The following STK39 variants were observed in gnomAD, a reference collection of about 807,000 sequenced individuals.
STK39 encodes serine/threonine kinase 39.
STK39 carries 20 observed loss-of-function variants against 77.8 expected under a neutral mutation model. The ratio of observed to expected loss-of-function variants is 0.26; its 90% CI spans 0.18 to 0.37. STK39 has a LOEUF of 0.37. Among genes scored for constraint, STK39 ranks in the 10% least tolerant of loss-of-function variants. The pLI is 1.00. For synonymous variants in STK39, 246 were observed against 234.1 expected (o/e 1.05, Z -0.47); for missense variants, 479 against 656.5 (o/e 0.73, Z 2.95).
chr2:168,168,526 C>G (rs1178412742), intron 2 of STK39, among the ~76,000 whole-genome samples: 1 of 152,114 alleles, frequency 6.6e-6, no homozygotes, highest in Non-Finnish European at 1.5e-5. Flanking sequence ...TAATAATGAG[C>G]TTCACATTAA....
Position 168,031,114 on chromosome 2 carries a change from C to T in STK39, c.1377-14019G>A, listed in dbSNP as rs142319308. On this transcript the variant is annotated intron_variant, in intron 14 of 17. Coordinates refer to ENST00000355999, the MANE Select transcript of STK39 (RefSeq NM_013233.3). Reference sequence around the variant, plus strand: ...CTCACAGGACTGAAACTCCTCTGGCCTGCCCTGGAGAAGAGCGGAGTGGGT... The same window carrying T: ...CTCACAGGACTGAAACTCCTCTGGCTTGCCCTGGAGAAGAGCGGAGTGGGT... 9.5e-3 allele frequency among the ~76,000 whole-genome samples: 1,441 copies of T among 152,278 alleles called. 17 individuals carry two copies. The highest frequency in any genetic ancestry group is 0.011 in the Non-Finnish European group (732 of 68,036).
In STK39 at chr2:168,247,328, G is replaced by C; in HGVS notation, c.108C>G (p.Ala36=). The C allele has an allele frequency of 1.9e-6, 2 of 1,036,296 alleles. No homozygotes were observed. The highest frequency in any genetic ancestry group is 2.3e-6 in the Non-Finnish European group (2 of 860,024). 64.2% of individuals were successfully genotyped at this position (1,036,296 alleles called of 1,614,324 possible). The part of the protein sequence containing the change: ...AAPAAATAAP[A]PAAPAAPAPA... ...GGGCCGGGGCCGCGGGAGCTGCCGG[G>C]GCCGGCGCTGCTGTCGCGGCCGCCG... The change falls in exon 1 of 18, where the codon GCC becomes GCG. Residue 36 remains alanine, a synonymous_variant. Coordinates refer to ENST00000355999, the MANE Select transcript of STK39 (RefSeq NM_013233.3).
chr2:168,242,560 A>AAATATATATAT (rs1296747890), intron 1 of STK39, among the ~76,000 whole-genome samples: 1 of 44,864 alleles, frequency 2.2e-5, no homozygotes, highest in African/African-American at 1.1e-4. Context: ...AAAAAAAAAA[A>AAATATATATAT]ATATATATAT....
At chr2:168,093,523 G>A (rs908865020) in intron 10 of STK39, among the ~76,000 whole-genome samples, 5 of 152,142 alleles carry the variant, frequency 3.3e-5, no homozygotes, top group African/African-American at 4.8e-5. Context: ...ACCTCCCAAC[G>A]GGTCCCCATG....
chr2:168,158,861 C>T (rs553922360), intron 5 of STK39, among the ~76,000 whole-genome samples: 15 of 152,298 alleles, frequency 9.8e-5, no homozygotes, highest in South Asian at 4.1e-4. Flanking sequence ...TTTATACCCA[C>T]GTTCAATAGA....
intron 1 of STK39, among the ~76,000 whole-genome samples, chr2:168,242,560 A>AAAAAAATATATATATATATATATAT (rs1296747890): frequency 2.2e-5 from 1 of 44,866 alleles, no homozygotes; most frequent in Admixed American, 2.6e-4. Context: ...AAAAAAAAAA[A>AAAAAAATATATATATATATATATAT]ATATATATAT....
chr2:168,199,647 T>TGGGATTA (rs978477595), intron 1 of STK39, among the ~76,000 whole-genome samples: 1 of 151,972 alleles, frequency 6.6e-6, no homozygotes, highest in African/African-American at 2.4e-5. Context: ...GCCGAGTAGC[T>TGGGATTA]GGGATTACAG....
At chr2:168,168,603 C>T (rs568419149) in intron 2 of STK39, among the ~76,000 whole-genome samples, 8 of 152,272 alleles carry the variant, frequency 5.3e-5, no homozygotes, top group Admixed American at 1.3e-4. Flanking sequence ...ACTGCCTAAT[C>T]CTCATACTAC....
rs1032133033 is a variant in STK39 at position 168,003,628 on chromosome 2, A to G, written c.1498+9006T>C. Among the ~76,000 whole-genome samples, 5 of 152,350 alleles carry G rather than the reference A, an allele frequency of 3.3e-5. No homozygotes were observed. In the East Asian group the frequency reaches 9.6e-4, roughly 29 times the overall value. On this transcript the variant is annotated intron_variant, in intron 16 of 17. Transcript: ENST00000355999. ...GTAAAAATATATAAGAAAAGTAATC[A>G]GCACAGCACCCCCAAAGTACTTATA...
chr2:168,176,614 T>A (rs962167265), intron 2 of STK39, among the ~76,000 whole-genome samples: 4 of 152,260 alleles, frequency 2.6e-5, no homozygotes, highest in Admixed American at 2.0e-4. Flanking sequence ...GGGCAGTGGC[T>A]TTGTTCTGAG....
At chr2:168,142,811 TA>T (rs1688029614) in intron 5 of STK39, among the ~76,000 whole-genome samples, 2 of 152,216 alleles carry the variant, frequency 1.3e-5, no homozygotes, top group Non-Finnish European at 2.9e-5. Context: ...CTACTCCCTC[TA>T]TGACTACAGA....
intron 1 of STK39, among the ~76,000 whole-genome samples, chr2:168,197,772 A>G (rs553148249): frequency 6.6e-6 from 1 of 152,356 alleles, no homozygotes; most frequent in South Asian, 2.1e-4. Flanking sequence ...GCAATGGCTC[A>G]CGCCTATAAT....
chr2:168,157,107 C>A (rs1045331125), intron 5 of STK39, among the ~76,000 whole-genome samples: 10 of 152,118 alleles, frequency 6.6e-5, no homozygotes, highest in Non-Finnish European at 1.0e-4. Context: ...AGTTAAGTTT[C>A]ATTGCATGTT....
Position 168,081,203 on chromosome 2 carries a change from G to A in STK39, c.1090-5972C>T, listed in dbSNP as rs144307165. 5.1e-3 allele frequency among the ~76,000 whole-genome samples: 780 copies of A among 152,246 alleles called. 2 individuals are homozygous for A. Among genetic ancestry groups the A allele is most frequent in the Middle Eastern group, 6.8e-3 (2 of 294 alleles). On this transcript the variant is annotated intron_variant, in intron 10 of 17. Coordinates refer to ENST00000355999, the MANE Select transcript of STK39 (RefSeq NM_013233.3). ...CTTGCACCATGGGCCTGGAAAAGCC[G>A]CAGACACTCAACGCCAGCCCATGAA...
At chr2:168,028,884 A>G (rs78941942) in intron 14 of STK39, among the ~76,000 whole-genome samples, 1,987 of 152,270 alleles carry the variant, frequency 0.013, 46 homozygotes, top group African/African-American at 0.045. Flanking sequence ...TCCATTTGGG[A>G]CCCAGACATC....
At chr2:167,991,741 T>C (rs1683705103) in intron 16 of STK39, among the ~76,000 whole-genome samples, 1 of 152,184 alleles carries the variant, frequency 6.6e-6, no homozygotes, top group African/African-American at 2.4e-5. Flanking sequence ...GTGGAGTCAA[T>C]CCTTCTGGAT....
At chr2:168,230,461 G>A (rs116593591) in intron 1 of STK39, among the ~76,000 whole-genome samples, 1,855 of 152,246 alleles carry the variant, frequency 0.012, 45 homozygotes, top group African/African-American at 0.041. Context: ...CACCCAACAC[G>A]CGAGCGAGAC....
chr2:168,020,379 G>A (rs1240100075), intron 14 of STK39, among the ~76,000 whole-genome samples: 1 of 152,044 alleles, frequency 6.6e-6, no homozygotes, highest in African/African-American at 2.4e-5. Context: ...AATTGTTTCT[G>A]CAAGCTGTTG....
intron 3 of STK39, 151 bp downstream of exon 3, chr2:168,167,148 A>T: frequency 3.1e-6 from 2 of 649,230 alleles, no homozygotes; most frequent in South Asian, 3.9e-5. Context: ...AATGTGAAGC[A>T]ATCTGGACGT....
Sources: gnomAD v4.1 joint callset for allele counts (sites outside exome capture counted in the v4.1 genomes callset) on GRCh38, gnomAD v4.1.1 for gene constraint, MANE v1.5 for transcripts, NCBI Gene and HGNC (gene_info 2026-07-23, HGNC 2026-07-21) for gene names.